The following TRPM3 variants were observed in gnomAD, a reference collection of about 807,000 sequenced individuals.
TRPM3 encodes long transient receptor potential channel 3.
Under a neutral mutation model 181.2 loss-of-function variants are expected in TRPM3, and 77 were observed. The observed-to-expected ratio is 0.42, with a 90% CI of 0.35 to 0.51. The LOEUF is 0.51. Among genes scored for constraint, TRPM3 ranks in the 20% least tolerant of loss-of-function variants. The pLI, the probability that TRPM3 is intolerant of heterozygous loss-of-function variation, is 0.01. For synonymous variants in TRPM3, 745 were observed against 796.4 expected, an observed-to-expected ratio of 0.94 and a Z score of 1.09; for missense variants, 1,759 against 2,196.7, an observed-to-expected ratio of 0.80 and a Z score of 3.98.
chr9:71,307,269 A>G (rs1421913883), intron 1 of TRPM3, among the ~76,000 whole-genome samples: 1 of 150,818 alleles, frequency 6.6e-6, no homozygotes, highest in African/African-American at 2.4e-5. Context: ...TCCTTTTTCT[A>G]TGTTCTTTGT....
intron 1 of TRPM3, among the ~76,000 whole-genome samples, chr9:71,108,267 A>T (rs79029151): frequency 0.016 from 2,365 of 152,288 alleles, 46 homozygotes; most frequent in East Asian, 0.077. Flanking sequence ...TTGCAGAGTG[A>T]AATCATAGTT....
In TRPM3 at chr9:70,831,389, CTT is replaced by C. The variant is rs57576262; in HGVS notation, c.802-3373_802-3372del. Among the ~76,000 whole-genome samples, 287 of 132,710 alleles carry C rather than the reference CTT, an allele frequency of 2.2e-3. 1 individual carries two copies. The highest frequency in any genetic ancestry group is 4.1e-3 in the South Asian group (17 of 4,176). 87.1% of individuals were successfully genotyped at this position (132,710 alleles called of 152,430 possible). A position where few individuals can be genotyped will look rare whatever the true frequency, so the allele number is the denominator to read the frequency against. ...ATTGTTAAGAGATTGTAAAATAGGACTTTTTTTTTTTTTTTTGGAATTGTGTG... is the reference window on the plus strand; with the variant it reads ...ATTGTTAAGAGATTGTAAAATAGGACTTTTTTTTTTTTTTGGAATTGTGTG... On this transcript the variant is annotated intron_variant, in intron 5 of 25. Coordinates refer to ENST00000677713, the MANE Select transcript of TRPM3 (RefSeq NM_001366145.2).
At chr9:71,031,955 ATAATT>A in intron 1 of TRPM3, among the ~76,000 whole-genome samples, 1 of 6,412 alleles carries the variant, frequency 1.6e-4, no homozygotes, top group Non-Finnish European at 2.1e-4. Flanking sequence ...TAATATATAT[ATAATT>A]ATATATATAT....
In TRPM3 at chr9:70,536,830, G is replaced by A; in HGVS notation, c.4283C>T (p.Pro1428Leu). Reference sequence around the variant, plus strand: ...AAGGATGTTCACGGAATTGTCCAGAGGGTCTATATCACAGTGGAGCTCATC... The same window carrying A: ...AAGGATGTTCACGGAATTGTCCAGAAGGTCTATATCACAGTGGAGCTCATC... Reference protein sequence around the residue: ...AMDELHCDIDPLDNSVNILGL... With the variant: ...AMDELHCDIDLLDNSVNILGL... The change falls in exon 26 of 26, where the codon CCT becomes CTT. Residue 1428 changes from proline to leucine, a missense_variant. Physicochemically the swap from Pro to Leu is moderately conservative, Grantham distance 98 (BLOSUM62 -3). Around this residue, in one of 8 missense-constraint regions of TRPM3, gnomAD observed 612 missense variants for 590.0 expected, o/e 1.04. Coordinates refer to ENST00000677713, the MANE Select transcript of TRPM3 (RefSeq NM_001366145.2). 6.2e-7 allele frequency: 1 copy of A among 1,614,146 alleles called. No individual in the cohort carries two copies. Among genetic ancestry groups the A allele is most frequent in the Non-Finnish European group, 8.5e-7 (1 of 1,180,028 alleles).
chr9:70,761,246 A>C, intron 8 of TRPM3: 1 of 593,234 alleles, frequency 1.7e-6, no homozygotes, highest in South Asian at 2.1e-5. Flanking sequence ...TCAGTGGTTC[A>C]TGACTTCCAA....
chr9:71,071,520 GAAT>G (rs980368936), intron 1 of TRPM3, among the ~76,000 whole-genome samples: 7 of 152,116 alleles, frequency 4.6e-5, no homozygotes, highest in African/African-American at 1.7e-4. Context: ...ACAATGAAAT[GAAT>G]AATATTAAAC....
intron 1 of TRPM3, among the ~76,000 whole-genome samples, chr9:71,369,449 A>G (rs2092441524): frequency 6.6e-6 from 1 of 152,186 alleles, no homozygotes; most frequent in African/African-American, 2.4e-5. Context: ...TAATAAACCT[A>G]TATCTAGGTG....
chr9:71,347,736 C>T (rs1334860395), intron 1 of TRPM3, among the ~76,000 whole-genome samples: 4 of 151,450 alleles, frequency 2.6e-5, no homozygotes, highest in African/African-American at 9.7e-5. Flanking sequence ...ATAGTGAGGC[C>T]TCGTGTTTAT....
At chr9:70,861,359 C>T (rs892480022) in intron 3 of TRPM3, among the ~76,000 whole-genome samples, 7 of 152,148 alleles carry the variant, frequency 4.6e-5, no homozygotes, top group African/African-American at 1.4e-4. Flanking sequence ...TTGAGGGATG[C>T]TCTCACTTAC....
intron 1 of TRPM3, among the ~76,000 whole-genome samples, chr9:71,301,558 A>T (rs1159398991): frequency 6.6e-6 from 1 of 152,128 alleles, no homozygotes; most frequent in Non-Finnish European, 1.5e-5. Context: ...ATATTTAACG[A>T]ATCATTTTCT....
chr9:70,955,247 G>C (rs958071640), intron 1 of TRPM3, among the ~76,000 whole-genome samples: 4 of 152,134 alleles, frequency 2.6e-5, no homozygotes, highest in African/African-American at 4.8e-5. Context: ...GCAGACAAAA[G>C]TTTTAAACAG....
Position 70,537,101 on chromosome 9 carries a change from T to C in TRPM3, c.4012A>G (p.Thr1338Ala), listed in dbSNP as rs763360927. The C allele has an allele frequency of 3.7e-6, 6 of 1,609,308 alleles. No individual in the cohort carries two copies. The highest frequency in any genetic ancestry group is 1.3e-5 in the African/African-American group (1 of 74,834). ...ATACGGGGCATTAAGGTTGGAGAAGTTGGGGACATGGTCTCCTCACCTGCA... is the reference window on the plus strand; with the variant it reads ...ATACGGGGCATTAAGGTTGGAGAAGCTGGGGACATGGTCTCCTCACCTGCA... ...DPAGEETMSP[T>A]SPTLMPRMRS... The change falls in exon 26 of 26, where the codon ACT (threonine) becomes GCT (alanine). Residue 1338 changes from threonine to alanine, a missense_variant. Coordinates refer to ENST00000677713, the MANE Select transcript of TRPM3 (RefSeq NM_001366145.2).
At chr9:70,762,314 G>C (rs890589269) in intron 7 of TRPM3, among the ~76,000 whole-genome samples, 1 of 152,200 alleles carries the variant, frequency 6.6e-6, no homozygotes, top group Non-Finnish European at 1.5e-5. Flanking sequence ...ACAGTGAACA[G>C]TAAGACAGTA....
At chr9:71,267,573 T>C (rs148965714) in intron 1 of TRPM3, among the ~76,000 whole-genome samples, 2,441 of 105,690 alleles carry the variant, frequency 0.023, 30 homozygotes, top group Non-Finnish European at 0.033. Context: ...AGACTCTACT[T>C]ATCTCTGTCA....
chr9:71,012,958 C>A (rs1338564266), intron 1 of TRPM3, among the ~76,000 whole-genome samples: 1 of 151,984 alleles, frequency 6.6e-6, no homozygotes, highest in East Asian at 1.9e-4. Context: ...GCCTTGTTCC[C>A]AATCTTAATG....
At chr9:71,010,960 C>T (rs1405811244) in intron 1 of TRPM3, among the ~76,000 whole-genome samples, 1 of 138,540 alleles carries the variant, frequency 7.2e-6, no homozygotes, top group Non-Finnish European at 1.6e-5. Flanking sequence ...CACACACACA[C>T]ATAAATAGTA....
intron 1 of TRPM3, among the ~76,000 whole-genome samples, chr9:71,176,919 C>T (rs2077131994): frequency 6.6e-6 from 1 of 152,072 alleles, no homozygotes; most frequent in Non-Finnish European, 1.5e-5. Context: ...ATCCCCAACC[C>T]CTGGGCCATG....
chr9:70,816,339 T>C (rs1448760148), intron 6 of TRPM3, among the ~76,000 whole-genome samples: 1 of 152,232 alleles, frequency 6.6e-6, no homozygotes, highest in Non-Finnish European at 1.5e-5. Context: ...TATTAAAGTA[T>C]AAGAATGTCA....
At chr9:70,856,425 T>C (rs1322291570) in intron 3 of TRPM3, among the ~76,000 whole-genome samples, 2 of 152,214 alleles carry the variant, frequency 1.3e-5, no homozygotes, top group Non-Finnish European at 2.9e-5. Context: ...TTTTGTGAAG[T>C]GGGACTCATT....
Sources: gnomAD v4.1 joint callset for allele counts (sites outside exome capture counted in the v4.1 genomes callset) on GRCh38, gnomAD v4.1.1 for gene constraint, gnomAD v4.1.1 regional missense constraint, MANE v1.5 for transcripts, NCBI Gene and HGNC (gene_info 2026-07-23, HGNC 2026-07-21) for gene names.